Variants in CCSER1 observed in about 807,000 individuals in gnomAD.
CCSER1 encodes serine-rich coiled-coil domain-containing protein 1.
CCSER1 carries 41 observed loss-of-function variants against 82.0 expected under a neutral mutation model. That is an observed-to-expected ratio of 0.50 (90% CI 0.39 to 0.65). CCSER1 has a LOEUF of 0.65. CCSER1 is among the 30% of genes least tolerant of loss of function. The pLI is 0.00. For synonymous variants in CCSER1, 414 were observed against 383.9 expected (o/e 1.08, Z -0.92); for missense variants, 1,119 against 1,064.2 (o/e 1.05, Z -0.72).
At chr4:90,950,263 A>G (rs1228429564) in intron 9 of CCSER1, among the ~76,000 whole-genome samples, 1 of 152,150 alleles carries the variant, frequency 6.6e-6, no homozygotes, top group Non-Finnish European at 1.5e-5. Flanking sequence ...AAAAAAATTA[A>G]TGAGTTTGAT....
intron 6 of CCSER1, among the ~76,000 whole-genome samples, chr4:90,638,707 G>A (rs1725910981): frequency 6.6e-6 from 1 of 152,038 alleles, no homozygotes; most frequent in Non-Finnish European, 1.5e-5. Flanking sequence ...AGGAGAGGAG[G>A]AAAGTATAAT....
At chr4:91,289,268 A>G (rs1053668562) in intron 10 of CCSER1, among the ~76,000 whole-genome samples, 2 of 152,058 alleles carry the variant, frequency 1.3e-5, no homozygotes, top group Non-Finnish European at 2.9e-5. Flanking sequence ...CTGATTTATT[A>G]AAGTCTATAA....
chr4:91,453,953 A>G (rs1376419110), intron 10 of CCSER1, among the ~76,000 whole-genome samples: 2 of 152,042 alleles, frequency 1.3e-5, no homozygotes, highest in Non-Finnish European at 2.9e-5. Context: ...GTAATGAGGT[A>G]TGTTTACAGT....
chr4:90,760,872 G>A (rs944897842), intron 7 of CCSER1, among the ~76,000 whole-genome samples: 3 of 152,026 alleles, frequency 2.0e-5, no homozygotes, highest in African/African-American at 2.4e-5. Flanking sequence ...TATACAGGGA[G>A]CAAACAAATA....
intron 10 of CCSER1, among the ~76,000 whole-genome samples, chr4:91,259,675 A>T (rs1353235936): frequency 1.3e-5 from 2 of 148,956 alleles, no homozygotes; most frequent in African/African-American, 5.0e-5. Flanking sequence ...CCCACTTATG[A>T]GTGAGAACAT....
intron 8 of CCSER1, among the ~76,000 whole-genome samples, chr4:90,853,151 T>C (rs1764079743): frequency 6.6e-6 from 1 of 152,148 alleles, no homozygotes; most frequent in South Asian, 2.1e-4. Flanking sequence ...CTTCTACCTC[T>C]GTTCATACCC....
At chr4:91,180,985 T>G (rs1733968629) in intron 10 of CCSER1, among the ~76,000 whole-genome samples, 1 of 152,246 alleles carries the variant, frequency 6.6e-6, no homozygotes, top group Non-Finnish European at 1.5e-5. Context: ...CACAGATCAC[T>G]CATGCAATTG....
intron 5 of CCSER1, among the ~76,000 whole-genome samples, chr4:90,523,183 G>A (rs1352556254): frequency 6.6e-6 from 1 of 152,110 alleles, no homozygotes; most frequent in Non-Finnish European, 1.5e-5. Context: ...ATAATTCTTA[G>A]AACAGAAATA....
intron 10 of CCSER1, among the ~76,000 whole-genome samples, chr4:91,381,063 T>G (rs1382516209): frequency 1.3e-5 from 2 of 152,206 alleles, no homozygotes; most frequent in African/African-American, 4.8e-5. Context: ...TTAAGAATGT[T>G]GAATATTGGC....
At chr4:91,136,327 T>C (rs1041797162) in intron 10 of CCSER1, among the ~76,000 whole-genome samples, 4 of 152,192 alleles carry the variant, frequency 2.6e-5, no homozygotes, top group Admixed American at 2.0e-4. Context: ...TGGGGTTGTT[T>C]CCTTCAAAGA....
chr4:90,922,616 G>A (rs950634493), intron 8 of CCSER1, among the ~76,000 whole-genome samples: 2 of 151,988 alleles, frequency 1.3e-5, no homozygotes, highest in African/African-American at 4.8e-5. Context: ...AACATGAGTG[G>A]TATTTACAGT....
chr4:90,683,790 A>T (rs1056453660), intron 6 of CCSER1, among the ~76,000 whole-genome samples: 13 of 151,546 alleles, frequency 8.6e-5, no homozygotes, highest in East Asian at 1.9e-4. Flanking sequence ...TGCTAAATTT[A>T]AAAAAAAAGA....
chr4:91,381,046 C>A lies in CCSER1; in HGVS notation c.2218-217526C>A, dbSNP rs911793079. Among the ~76,000 whole-genome samples, 8 of 152,224 alleles carry A rather than the reference C, an allele frequency of 5.3e-5. No homozygotes were observed. The South Asian group carries it at 6.2e-4, about 12-fold the overall frequency. ...GTTATGAAATTCTGAGTTGAAAATT[C>A]TTTTCTTTAAGAATGTTGAATATTG... On this transcript the variant is annotated intron_variant, in intron 10 of 10. Coordinates refer to ENST00000509176, the MANE Select transcript of CCSER1 (RefSeq NM_001145065.2).
intron 10 of CCSER1, among the ~76,000 whole-genome samples, chr4:91,574,799 G>A (rs961179595): frequency 3.3e-5 from 5 of 151,884 alleles, no homozygotes; most frequent in Non-Finnish European, 7.4e-5. Context: ...TGCTCATTAC[G>A]TGGATTATGG....
chr4:90,492,136 C>G (rs990030244), intron 5 of CCSER1, among the ~76,000 whole-genome samples: 9 of 152,218 alleles, frequency 5.9e-5, no homozygotes, highest in South Asian at 2.1e-4. Flanking sequence ...GGGTGTGAAT[C>G]TGTCTGGTCC....
At chr4:91,116,183 A>G (rs553841228) in intron 10 of CCSER1, among the ~76,000 whole-genome samples, 1 of 152,152 alleles carries the variant, frequency 6.6e-6, no homozygotes, top group Non-Finnish European at 1.5e-5. Flanking sequence ...CAAATGTTCA[A>G]CAATGATAGA....
At position 90,308,877 on chromosome 4, in the gene CCSER1, G is replaced by A. The variant is rs1553996643; in HGVS notation, c.593G>A (p.Ser198Asn). 1.9e-6 allele frequency: 3 copies of A among 1,613,804 alleles called. No individual in the cohort carries two copies. Among genetic ancestry groups the A allele is most frequent in the Non-Finnish European group, 1.7e-6 (2 of 1,179,816 alleles). Residue 198 changes from serine (S) to asparagine (N), a missense_variant, in exon 2 of 11, where the codon AGC becomes AAC. Coordinates refer to ENST00000509176, the MANE Select transcript of CCSER1 (RefSeq NM_001145065.2). ...HYKFSKPVLQ[S>N]QSISLVQQSE... ...AAATTTTCTAAGCCAGTTCTACAGA[G>A]CCAATCCATTTCATTGGTACAACAG...
intron 10 of CCSER1, among the ~76,000 whole-genome samples, chr4:91,460,928 T>G (rs958039151): frequency 6.6e-6 from 1 of 152,188 alleles, no homozygotes; most frequent in Admixed American, 6.5e-5. Flanking sequence ...ACCTTTGGAA[T>G]GAAAATCCCC....
chr4:90,495,360 G>A (rs1248386377), intron 5 of CCSER1, among the ~76,000 whole-genome samples: 3 of 152,098 alleles, frequency 2.0e-5, no homozygotes, highest in African/African-American at 7.2e-5. Context: ...CATTGTTAAT[G>A]GACAGCTTGG....
Sources: allele counts gnomAD v4.1 joint callset (sites outside exome capture counted in the v4.1 genomes callset), GRCh38; gene constraint gnomAD v4.1.1; transcripts MANE v1.5; gene names NCBI Gene and HGNC (gene_info 2026-07-23, HGNC 2026-07-21).